The following SFMBT2 variants were observed in gnomAD, a reference collection of about 807,000 sequenced individuals.
SFMBT2 encodes scm-like with four MBT domains protein 2.
SFMBT2 carries 38 observed loss-of-function variants against 110.1 expected under a neutral mutation model. That is an observed-to-expected ratio of 0.35 (90% CI 0.27 to 0.45). The LOEUF is 0.45. Ranked by LOEUF, SFMBT2 falls within the 20% of genes least tolerant of loss-of-function variation. The pLI is 1.00. For missense variants in SFMBT2, 1,011 were observed against 1,094.9 expected, an observed-to-expected ratio of 0.92 and a Z score of 1.08; for synonymous variants, 425 against 425.4, an observed-to-expected ratio of 1.00 and a Z score of 0.01.
intron 6 of SFMBT2, among the ~76,000 whole-genome samples, chr10:7,282,008 C>A (rs1056846766): frequency 6.6e-6 from 1 of 152,146 alleles, no homozygotes; most frequent in African/African-American, 2.4e-5. Context: ...CCATGCCTAG[C>A]CAGTTTTTTC....
rs141326530 is a variant in SFMBT2, at chr10:7,205,901, A to G, written c.1358T>C (p.Ile453Thr). ...GATGTCCATGGATTCCACATCAACA[A>G]TGACCTCTGGAACAGGAGTCTGCAG... ...EGLQTPVPEV[I>T]VDVESMDIFP... The change falls in exon 12 of 21, where the codon ATT (isoleucine) becomes ACT (threonine). Residue 453 changes from isoleucine to threonine, a missense_variant. Ile to Thr is a moderately conservative substitution (Grantham distance 89, BLOSUM62 -1). Transcript: ENST00000397167. 9.9e-6 allele frequency: 16 copies of G among 1,613,960 alleles called. No individual in the cohort carries two copies. Among genetic ancestry groups the G allele is most frequent in the East Asian group, 6.7e-5 (3 of 44,892 alleles).
chr10:7,225,415 A>T (rs1839871370), intron 10 of SFMBT2, among the ~76,000 whole-genome samples: 1 of 152,254 alleles, frequency 6.6e-6, no homozygotes. Context: ...ATGAACTCGT[A>T]ATACGCATTC....
chr10:7,262,316 A>G (rs998654606), intron 7 of SFMBT2, among the ~76,000 whole-genome samples: 5 of 152,198 alleles, frequency 3.3e-5, no homozygotes, highest in Non-Finnish European at 7.3e-5. Flanking sequence ...TCTGTAGATA[A>G]AAGAATTATA....
intron 16 of SFMBT2, among the ~76,000 whole-genome samples, chr10:7,185,971 AT>A (rs1057340951): frequency 9.9e-5 from 15 of 151,962 alleles, no homozygotes; most frequent in South Asian, 6.2e-4. Flanking sequence ...ATGAGAAGCC[AT>A]TTTTTTTCCC....
At chr10:7,292,851 G>C (rs1355090798) in intron 4 of SFMBT2, among the ~76,000 whole-genome samples, 1 of 151,970 alleles carries the variant, frequency 6.6e-6, no homozygotes, top group African/African-American at 2.4e-5. Flanking sequence ...AAATTAGCCG[G>C]GCATGGTGGC....
intron 1 of SFMBT2, among the ~76,000 whole-genome samples, chr10:7,392,351 C>A (rs1245261411): frequency 6.6e-6 from 1 of 152,106 alleles, no homozygotes; most frequent in Non-Finnish European, 1.5e-5. Context: ...TCAGTCTCTA[C>A]TAAAAATGCA....
At chr10:7,331,882 C>A (rs1843568834) in intron 4 of SFMBT2, among the ~76,000 whole-genome samples, 1 of 151,900 alleles carries the variant, frequency 6.6e-6, no homozygotes, top group Non-Finnish European at 1.5e-5. Flanking sequence ...TGGTGGTGCG[C>A]CCCTGTATTC....
chr10:7,244,080 T>A, intron 8 of SFMBT2: 1 of 870,946 alleles, frequency 1.1e-6, no homozygotes, highest in Non-Finnish European at 1.4e-6. Context: ...CGTTTCTCAG[T>A]GTCCACAGCC....
chr10:7,265,998 G>A (rs1280128717), intron 7 of SFMBT2, among the ~76,000 whole-genome samples: 1 of 152,212 alleles, frequency 6.6e-6, no homozygotes, highest in South Asian at 2.1e-4. Flanking sequence ...CTATATAATA[G>A]TCGGGGGAAT....
At chr10:7,290,547 G>A (rs1164386505) in intron 4 of SFMBT2, among the ~76,000 whole-genome samples, 2 of 152,148 alleles carry the variant, frequency 1.3e-5, no homozygotes, top group Admixed American at 1.3e-4. Context: ...GGATTATAAA[G>A]CTGCCGAGCT....
At chr10:7,224,177 T>C (rs974606832) in intron 10 of SFMBT2, among the ~76,000 whole-genome samples, 1 of 152,206 alleles carries the variant, frequency 6.6e-6, no homozygotes, top group Non-Finnish European at 1.5e-5. Context: ...TGGATTACGT[T>C]ATATTCCTAC....
At chr10:7,276,716 T>C (rs1445244682) in intron 7 of SFMBT2, among the ~76,000 whole-genome samples, 176 bp downstream of exon 7, 1 of 151,994 alleles carries the variant, frequency 6.6e-6, no homozygotes, top group African/African-American at 2.4e-5. Flanking sequence ...TTAGTAGAAA[T>C]AGGGTTTCAC....
At chr10:7,307,285 C>A (rs564267584) in intron 4 of SFMBT2, among the ~76,000 whole-genome samples, 1 of 152,182 alleles carries the variant, frequency 6.6e-6, no homozygotes, top group Admixed American at 6.5e-5. Flanking sequence ...ACGATTTAGT[C>A]GACCCTATTC....
chr10:7,275,371 C>T (rs1841738758), intron 7 of SFMBT2, among the ~76,000 whole-genome samples: 1 of 152,120 alleles, frequency 6.6e-6, no homozygotes, highest in Non-Finnish European at 1.5e-5. Flanking sequence ...GAGACGAGGA[C>T]AGGCTGGCTC....
chr10:7,370,390 A>T lies in SFMBT2; in HGVS notation c.101-15T>A. 1 of 1,607,848 alleles carries T rather than the reference A, an allele frequency of 6.2e-7. No individual in the cohort carries two copies. Among genetic ancestry groups the T allele is most frequent in the Non-Finnish European group, 8.5e-7 (1 of 1,174,430 alleles). On this transcript the variant is annotated splice_polypyrimidine_tract_variant and intron_variant, in intron 2 of 20. Transcript: ENST00000397167. The stretch of plus-strand genomic sequence containing the variant: ...TGAGCCTTCTTCTGTTGAAAAACAA[A>T]AGAACAGAATATCAATACTGGAGTG...
rs377010173 is a variant in SFMBT2, at chr10:7,312,083, G to T, written c.437-26129C>A. 1.1e-4 allele frequency among the ~76,000 whole-genome samples: 16 copies of T among 152,246 alleles called. No individual in the cohort carries two copies. In the East Asian group the frequency reaches 1.5e-3, roughly 15 times the overall value. On this transcript the variant is annotated intron_variant, in intron 4 of 20. Transcript: ENST00000397167. ...CACACACAGGGGCCTGTCGTGGAGTGGGGGGAGGGAGGAGGGATAGCATTA... is the reference window on the plus strand; with the variant it reads ...CACACACAGGGGCCTGTCGTGGAGTTGGGGGAGGGAGGAGGGATAGCATTA...
rs146385281 is a variant in SFMBT2, at chr10:7,280,802, T to C, written c.772+3102A>G. Reference sequence around the variant, plus strand: ...TGATTCAGGGCAAAAAGAGAAAGGCTCAATGGCCCTGTGTTTCTCAGAGGT... The same window carrying C: ...TGATTCAGGGCAAAAAGAGAAAGGCCCAATGGCCCTGTGTTTCTCAGAGGT... On this transcript the variant is annotated intron_variant, in intron 6 of 20. Coordinates refer to ENST00000397167, the MANE Select transcript of SFMBT2 (RefSeq NM_001387889.1). Among the ~76,000 whole-genome samples the C allele has an allele frequency of 1.6e-3, 249 of 152,332 alleles. 1 individual carries two copies. The highest frequency in any genetic ancestry group is 3.1e-3 in the Non-Finnish European group (209 of 68,030).
At chr10:7,261,456 C>G (rs1408416685) in intron 7 of SFMBT2, among the ~76,000 whole-genome samples, 1 of 152,194 alleles carries the variant, frequency 6.6e-6, no homozygotes, top group East Asian at 1.9e-4. Context: ...GGATGCTCAG[C>G]AATGACTGAG....
In SFMBT2 at chr10:7,188,719, T is replaced by G; in HGVS notation, c.1713A>C (p.Ile571=). The change falls in exon 16 of 21, where the codon ATA becomes ATC. Residue 571 remains isoleucine, a synonymous_variant. Transcript: ENST00000397167. ...TTCCAGGCTTGTAGGCTGCGTTGAT[T>G]ATCATGCTAAGAACCTTTTGGGGAA... ...VLVLKEVLSM[I]INAAYKPGRV... is the part of the protein sequence containing the mutation. 1 of 1,612,500 alleles carries G rather than the reference T, an allele frequency of 6.2e-7. No individual in the cohort carries two copies. Among genetic ancestry groups the G allele is most frequent in the Non-Finnish European group, 8.5e-7 (1 of 1,179,166 alleles).
Sources: gnomAD v4.1 joint callset for allele counts (sites outside exome capture counted in the v4.1 genomes callset) on GRCh38, gnomAD v4.1.1 for gene constraint, MANE v1.5 for transcripts, NCBI Gene and HGNC (gene_info 2026-07-23, HGNC 2026-07-21) for gene names.